CFAP20DC: variants seen among roughly 807,000 people sequenced by gnomAD.
CFAP20DC encodes the protein protein CFAP20DC.
In CFAP20DC, 84 loss-of-function variants were observed where a neutral mutation model predicts 101.7. The observed-to-expected ratio is 0.83, with a 90% CI of 0.69 to 0.99. The LOEUF is 0.99. Ranked by LOEUF, CFAP20DC falls within the 50% of genes least tolerant of loss-of-function variation. The pLI is 0.00. For missense variants in CFAP20DC, 1,007 were observed against 970.3 expected (o/e 1.04, Z -0.50); for synonymous variants, 359 against 351.2 (o/e 1.02, Z -0.25).
rs1239755752 is a variant in CFAP20DC at position 58,894,506 on chromosome 3, A to G, written c.551-9797T>C. On this transcript the variant is annotated intron_variant, in intron 6 of 16. Transcript: ENST00000482387. This position sits in a 1 kb window ranked among gnomAD's most constrained non-coding sequence, Gnocchi z 4.1. ...TGACTCCATGTCTCACATTCAGGAC[A>G]CGCTGATGCAGAAGGTGGGTTCCTA... Among the ~76,000 whole-genome samples, 2 of 152,248 alleles carry G rather than the reference A, an allele frequency of 1.3e-5. No homozygotes were observed. Among genetic ancestry groups the G allele is most frequent in the Non-Finnish European group, 2.9e-5 (2 of 68,036 alleles).
intron 4 of CFAP20DC, among the ~76,000 whole-genome samples, chr3:58,963,190 T>TTGTGTGTGTG (rs56234919): frequency 0.054 from 6,362 of 118,182 alleles, 228 homozygotes; most frequent in East Asian, 0.076. Flanking sequence ...GTTCAGTAGT[T>TTGTGTGTGTG]TGTGTGTGTG....
chr3:58,893,944 A>C (rs772089192), intron 6 of CFAP20DC, among the ~76,000 whole-genome samples: 23 of 152,186 alleles, frequency 1.5e-4, no homozygotes, highest in Non-Finnish European at 2.5e-4. Flanking sequence ...AAAAGGAGCA[A>C]GTCACCTGTT....
Position 58,782,917 on chromosome 3 carries a change from T to C in CFAP20DC, c.2237+23478A>G, listed in dbSNP as rs75016627. Among the ~76,000 whole-genome samples the C allele has an allele frequency of 1.0e-2, 1,515 of 151,946 alleles. 27 individuals are homozygous for C. Among genetic ancestry groups the C allele is most frequent in the African/African-American group, 0.035 (1,454 of 41,484 alleles). The stretch of plus-strand genomic sequence containing the variant: ...TCACAAAAAGAAAAAAATCCTAAAG[T>C]TTGTATTCAGCCACGTAAGAACCTG... On this transcript the variant is annotated intron_variant, in intron 15 of 16. Transcript: ENST00000482387.
intron 3 of CFAP20DC, among the ~76,000 whole-genome samples, chr3:59,043,067 A>C (rs369852045): frequency 2.0e-5 from 3 of 152,218 alleles, no homozygotes; most frequent in African/African-American, 7.2e-5. Context: ...AAGCGTAGAA[A>C]TGTCAAGTAA....
intron 11 of CFAP20DC, among the ~76,000 whole-genome samples, chr3:58,865,784 T>C (rs2108490407): frequency 6.6e-6 from 1 of 152,356 alleles, no homozygotes; most frequent in Non-Finnish European, 1.5e-5. Context: ...ACAATTTGTA[T>C]GACCTATTGC....
intron 15 of CFAP20DC, among the ~76,000 whole-genome samples, chr3:58,764,165 G>A (rs1248264843): frequency 6.6e-6 from 1 of 152,194 alleles, no homozygotes; most frequent in African/African-American, 2.4e-5. Context: ...AGGCCTCCGT[G>A]AGCTGCAGTG....
chr3:58,879,560 C>T (rs1055982820), intron 7 of CFAP20DC, among the ~76,000 whole-genome samples: 2 of 152,162 alleles, frequency 1.3e-5, no homozygotes, highest in African/African-American at 4.8e-5. Flanking sequence ...CTGGTAAGTA[C>T]TAAGCATTGA....
intron 7 of CFAP20DC, among the ~76,000 whole-genome samples, chr3:58,871,719 G>A (rs2080239333): frequency 6.6e-6 from 1 of 151,888 alleles, no homozygotes; most frequent in Admixed American, 6.6e-5. Flanking sequence ...AGTAGGATGG[G>A]GTTTCACCCT....
chr3:58,855,921 C>T (rs1202564939), intron 12 of CFAP20DC, among the ~76,000 whole-genome samples: 2 of 149,502 alleles, frequency 1.3e-5, no homozygotes, highest in Non-Finnish European at 3.0e-5. Context: ...ACCAGCATGG[C>T]ACATGTATAC....
rs1044864125 is a variant in CFAP20DC at position 58,722,701 on chromosome 3, C to A, written c.198-5073G>T. Among the ~76,000 whole-genome samples, 1 of 152,180 alleles carries A rather than the reference C, an allele frequency of 6.6e-6. No homozygotes were observed. Among genetic ancestry groups the A allele is most frequent in the Admixed American group, 6.5e-5 (1 of 15,280 alleles). ...ACTGACTGTGATTTTCTGCCCGAGT[C>A]CTTATTTAATTGTTATTTTGGGATC... On this transcript the variant is annotated intron_variant, in intron 3 of 3. Coordinates refer to the CFAP20DC transcript ENST00000486145. This position sits in a 1 kb window ranked among gnomAD's most constrained non-coding sequence, Gnocchi z 4.5.
chr3:58,907,094 C>T (rs1181908224), intron 6 of CFAP20DC, among the ~76,000 whole-genome samples: 1 of 149,134 alleles, frequency 6.7e-6, no homozygotes, highest in Non-Finnish European at 1.5e-5. Context: ...CTTTGTGCCT[C>T]GTGTGTGTGT....
At chr3:58,888,221 G>A (rs1281058252) in intron 6 of CFAP20DC, among the ~76,000 whole-genome samples, 1 of 152,088 alleles carries the variant, frequency 6.6e-6, no homozygotes, top group Non-Finnish European at 1.5e-5. Context: ...AGAAAGCATG[G>A]TCCAGTTTCA....
At chr3:58,844,832 C>A (rs2108242044) in intron 13 of CFAP20DC, among the ~76,000 whole-genome samples, 1 of 139,422 alleles carries the variant, frequency 7.2e-6, no homozygotes, top group African/African-American at 3.0e-5. Context: ...ACAGTGCAAT[C>A]AAACTAGAAC....
In CFAP20DC at chr3:58,831,674, C is replaced by T; in HGVS notation, c.2175+12G>A. 1 of 1,612,464 alleles carries T rather than the reference C, an allele frequency of 6.2e-7. No homozygotes were observed. The highest frequency in any genetic ancestry group is 8.5e-7 in the Non-Finnish European group (1 of 1,179,070). On this transcript the variant is annotated intron_variant, in intron 14 of 16. Transcript: ENST00000482387. ...TAAGCAATGAGAGGAAGCTGCAAAGCCAGGGACTCACGGGTGGCAGGCAGG... is the reference window on the plus strand; with the variant it reads ...TAAGCAATGAGAGGAAGCTGCAAAGTCAGGGACTCACGGGTGGCAGGCAGG...
chr3:58,837,609 A>G (rs2108125576), intron 13 of CFAP20DC, among the ~76,000 whole-genome samples: 2 of 152,320 alleles, frequency 1.3e-5, no homozygotes, highest in South Asian at 4.2e-4. Flanking sequence ...GATCAACAAC[A>G]AAGTCTAAGG....
intron 3 of CFAP20DC, 49 bp downstream of exon 3, chr3:59,046,180 G>T: frequency 7.9e-7 from 1 of 1,260,760 alleles, no homozygotes; most frequent in South Asian, 1.3e-5. Context: ...CATAAAAGCA[G>T]AACTTTGAGT....
chr3:58,968,074 T>C (rs766787233), intron 4 of CFAP20DC, among the ~76,000 whole-genome samples: 18 of 152,194 alleles, frequency 1.2e-4, no homozygotes, highest in Non-Finnish European at 2.5e-4. Flanking sequence ...GTATTCCATG[T>C]AGTATATGTA....
chr3:58,722,972 A>C lies in CFAP20DC; in HGVS notation c.198-5344T>G, dbSNP rs2067493854. Among the ~76,000 whole-genome samples the C allele has an allele frequency of 6.6e-6, 1 of 152,188 alleles. No homozygotes were observed. The highest frequency in any genetic ancestry group is 1.5e-5 in the Non-Finnish European group (1 of 68,028). The stretch of plus-strand genomic sequence containing the variant: ...CATGAGCACATGATCAGGTTTCTCA[A>C]ACAGTCGAAATCCCTGACAACCATG... On this transcript the variant is annotated intron_variant, in intron 3 of 3. Transcript: ENST00000486145. The surrounding 1 kb of genome is among the most constrained non-coding windows in gnomAD (Gnocchi z 4.5).
intron 14 of CFAP20DC, among the ~76,000 whole-genome samples, chr3:58,829,600 C>T (rs534897059): frequency 7.9e-5 from 12 of 152,222 alleles, no homozygotes; most frequent in African/African-American, 2.4e-4. Flanking sequence ...CAAAGGTAGG[C>T]TTTTCAATAT....
Sources: gnomAD v4.1 joint callset for allele counts (sites outside exome capture counted in the v4.1 genomes callset) on GRCh38, gnomAD v4.1.1 for gene constraint, Gnocchi (gnomAD v3.1) non-coding constraint, MANE v1.5 for transcripts, NCBI Gene and HGNC (gene_info 2026-07-23, HGNC 2026-07-21) for gene names.